PCDH9: variants seen among roughly 807,000 people sequenced by gnomAD.
PCDH9 encodes the protein protocadherin 9.
Under a neutral mutation model 70.6 loss-of-function variants are expected in PCDH9, and 24 were observed. That is an observed-to-expected ratio of 0.34 (90% CI 0.25 to 0.48). The LOEUF (loss-of-function observed/expected upper bound fraction) is 0.48. Among genes scored for constraint, PCDH9 ranks in the 20% least tolerant of loss-of-function variants. PCDH9 has a pLI of 0.99. For missense variants in PCDH9, 1,281 were observed against 1,503.6 expected, an observed-to-expected ratio of 0.85 and a Z score of 2.45; for synonymous variants, 562 against 558.5, an observed-to-expected ratio of 1.01 and a Z score of -0.09.
intron 2 of PCDH9, among the ~76,000 whole-genome samples, chr13:67,165,251 A>G (rs768027703): frequency 1.1e-4 from 17 of 152,184 alleles, no homozygotes; most frequent in Non-Finnish European, 2.1e-4. Flanking sequence ...CAATGTGTTT[A>G]TACATTAAAA....
At chr13:66,427,529 T>C (rs1957692105) in intron 4 of PCDH9, among the ~76,000 whole-genome samples, 1 of 151,784 alleles carries the variant, frequency 6.6e-6, no homozygotes, top group Non-Finnish European at 1.5e-5. Context: ...CTTGTCACAG[T>C]CATAAATTGG....
intron 4 of PCDH9, among the ~76,000 whole-genome samples, chr13:66,469,132 A>C (rs1277945901): frequency 6.6e-6 from 1 of 152,110 alleles, no homozygotes; most frequent in Non-Finnish European, 1.5e-5. Flanking sequence ...TCTGAGACTG[A>C]ACTGTATCCA....
chr13:66,995,304 C>T (rs1342082729), intron 2 of PCDH9, among the ~76,000 whole-genome samples: 3 of 152,056 alleles, frequency 2.0e-5, no homozygotes, highest in Non-Finnish European at 4.4e-5. Flanking sequence ...ATACAAAAGG[C>T]AAAAGAGGTG....
At chr13:67,122,013 G>A (rs2875517) in intron 2 of PCDH9, among the ~76,000 whole-genome samples, 140,703 of 152,244 alleles carry the variant, frequency 0.92, 65,113 homozygotes, top group East Asian at 0.98. Context: ...ACTCTTGTTA[G>A]TTGATCCAGA....
chr13:66,507,823 G>A (rs1959258675), intron 4 of PCDH9, among the ~76,000 whole-genome samples: 1 of 152,272 alleles, frequency 6.6e-6, no homozygotes. Flanking sequence ...CGGGCTTCAA[G>A]CAATTCTCCT....
intron 2 of PCDH9, among the ~76,000 whole-genome samples, chr13:67,079,965 C>A (rs2085951839): frequency 6.6e-6 from 1 of 152,170 alleles, no homozygotes; most frequent in Non-Finnish European, 1.5e-5. Flanking sequence ...ATCTCCCCAG[C>A]CCTCTGCTTT....
chr13:67,156,052 G>A (rs1368717895), intron 2 of PCDH9, among the ~76,000 whole-genome samples: 1 of 152,040 alleles, frequency 6.6e-6, no homozygotes, highest in Non-Finnish European at 1.5e-5. Flanking sequence ...GGGAAGGCAA[G>A]ACCATGGTCC....
At chr13:67,146,768 CT>C (rs1319025658) in intron 2 of PCDH9, among the ~76,000 whole-genome samples, 1 of 152,126 alleles carries the variant, frequency 6.6e-6, no homozygotes, top group Non-Finnish European at 1.5e-5. Flanking sequence ...ACTTCTTTCT[CT>C]TTTATTAAAA....
intron 4 of PCDH9, among the ~76,000 whole-genome samples, chr13:66,389,472 A>C (rs1424576672): frequency 6.6e-6 from 1 of 152,202 alleles, no homozygotes; most frequent in Non-Finnish European, 1.5e-5. Flanking sequence ...AATAATTCTC[A>C]AACACGGTTT....
chr13:66,652,553 C>A, intron 3 of PCDH9, among the ~76,000 whole-genome samples: 1 of 151,102 alleles, frequency 6.6e-6, no homozygotes, highest in African/African-American at 2.4e-5. Context: ...GTACATACTA[C>A]CTAAAGTAAT....
At chr13:66,380,773 GA>G (rs1199782006) in intron 4 of PCDH9, among the ~76,000 whole-genome samples, 6 of 152,070 alleles carry the variant, frequency 3.9e-5, no homozygotes, top group African/African-American at 1.4e-4. Flanking sequence ...TCGATCTCCT[GA>G]CCTCGTGATC....
chr13:66,849,832 C>T (rs2081285611), intron 3 of PCDH9, among the ~76,000 whole-genome samples: 1 of 151,998 alleles, frequency 6.6e-6, no homozygotes, highest in African/African-American at 2.4e-5. Flanking sequence ...GAAGAGCTAC[C>T]AGAAACAGAC....
intron 2 of PCDH9, chr13:67,203,450 C>T (rs868169678): frequency 6.6e-6 from 1 of 151,996 alleles, no homozygotes. Context: ...ACTCTTGACC[C>T]TTTTGGCTTT....
chr13:66,609,959 T>C (rs1051912401), intron 4 of PCDH9, among the ~76,000 whole-genome samples: 3 of 146,706 alleles, frequency 2.0e-5, no homozygotes, highest in Admixed American at 1.3e-4. Context: ...TCCTTCTTTT[T>C]TTTTTTTTTT....
At chr13:66,653,356 G>T (rs1445085695) in intron 3 of PCDH9, among the ~76,000 whole-genome samples, 1 of 152,144 alleles carries the variant, frequency 6.6e-6, no homozygotes, top group Non-Finnish European at 1.5e-5. Flanking sequence ...CAAAAGATCT[G>T]AATAGACATT....
chr13:66,429,458 C>T (rs1185236560), intron 4 of PCDH9, among the ~76,000 whole-genome samples: 2 of 148,276 alleles, frequency 1.3e-5, no homozygotes, highest in Non-Finnish European at 3.0e-5. Flanking sequence ...TTTGCACCCA[C>T]AGTGGGTAAA....
intron 2 of PCDH9, among the ~76,000 whole-genome samples, chr13:67,162,999 C>T (rs766200320): frequency 6.6e-6 from 1 of 152,136 alleles, no homozygotes; most frequent in Admixed American, 6.6e-5. Flanking sequence ...ACATTTAGAT[C>T]ATGATGTGAA....
intron 2 of PCDH9, among the ~76,000 whole-genome samples, chr13:67,163,034 C>T (rs1420687091): frequency 6.6e-6 from 1 of 152,078 alleles, no homozygotes; most frequent in East Asian, 1.9e-4. Flanking sequence ...TAATTAATCA[C>T]CATATATAGA....
At chr13:66,532,104 T>A (rs34979741) in intron 4 of PCDH9, among the ~76,000 whole-genome samples, 35,864 of 151,838 alleles carry the variant, frequency 0.24, 4,706 homozygotes, top group South Asian at 0.34. Flanking sequence ...CTCCCACCTT[T>A]GCCTCCTAAA....
Sources: gnomAD v4.1 joint callset for allele counts (sites outside exome capture counted in the v4.1 genomes callset) on GRCh38, gnomAD v4.1.1 for gene constraint, MANE v1.5 for transcripts, NCBI Gene and HGNC (gene_info 2026-07-23, HGNC 2026-07-21) for gene names.